KAZN: variants seen among roughly 807,000 people sequenced by gnomAD.
The protein encoded by KAZN is kazrin.
Under a neutral mutation model 87.4 loss-of-function variants are expected in KAZN, and 40 were observed. The observed-to-expected ratio is 0.46, with a 90% CI of 0.36 to 0.60. The LOEUF (loss-of-function observed/expected upper bound fraction) is 0.60, where lower values mean the gene tolerates loss of function less well. KAZN is among the 20% of genes least tolerant of loss of function. The probability of loss-of-function intolerance (pLI) is 0.00; values close to 1 mark genes in which losing one functional copy is unlikely to be tolerated. For missense variants in KAZN, 898 were observed against 1,073.9 expected, an observed-to-expected ratio of 0.84 and a Z score of 2.29; for synonymous variants, 466 against 458.3, an observed-to-expected ratio of 1.02 and a Z score of -0.22.
intron 2 of KAZN, among the ~76,000 whole-genome samples, chr1:14,488,606 G>A (rs571892314): frequency 2.0e-5 from 3 of 152,166 alleles, no homozygotes; most frequent in Non-Finnish European, 4.4e-5. Context: ...TTAGCAGAGC[G>A]CCTGCCCTCC....
At position 14,782,554 on chromosome 1, in the gene KAZN, C is replaced by CAAAAAAAAAAAAA. The variant is rs71572122; in HGVS notation, c.227-178118_227-178106dup. On this transcript the variant is annotated intron_variant, in intron 1 of 14. Transcript: ENST00000376030. ...CAGGGCAAGACTCCACCTCAAAGAG[C>CAAAAAAAAAAAAA]AAAAAAAAAAAAAAAAAAAAAAAAG... is the stretch of plus-strand genomic sequence containing the variant. Among the ~76,000 whole-genome samples, 21 of 66,258 alleles carry CAAAAAAAAAAAAA rather than the reference C, an allele frequency of 3.2e-4. 1 individual carries two copies. The highest frequency in any genetic ancestry group is 6.4e-4 in the Admixed American group (3 of 4,688). The allele number at this position is 66,258 out of a possible 152,430, so 43.5% of individuals were successfully genotyped here. A position where few individuals can be genotyped will look rare whatever the true frequency, so the allele number is the denominator to read the frequency against.
chr1:13,939,690 A>G (rs1024881199), intron 1 of KAZN, among the ~76,000 whole-genome samples: 16 of 152,200 alleles, frequency 1.1e-4, no homozygotes, highest in Non-Finnish European at 2.9e-5. Flanking sequence ...TTATGAACAA[A>G]TACCTGAGAC....
intron 2 of KAZN, among the ~76,000 whole-genome samples, chr1:14,393,357 A>T (rs923313138): frequency 6.6e-6 from 1 of 152,230 alleles, no homozygotes; most frequent in African/African-American, 2.4e-5. Context: ...TATTATCATC[A>T]TGATTATCAG....
intron 2 of KAZN, among the ~76,000 whole-genome samples, chr1:14,475,524 C>G (rs1336084143): frequency 2.0e-5 from 3 of 152,194 alleles, no homozygotes; most frequent in Non-Finnish European, 1.5e-5. Context: ...CTAGTTTACA[C>G]TGCTCAGACT....
chr1:14,014,723 G>A (rs1232519864), intron 1 of KAZN, among the ~76,000 whole-genome samples: 9 of 152,222 alleles, frequency 5.9e-5, no homozygotes, highest in Non-Finnish European at 1.3e-4. Flanking sequence ...GCAAGATGCA[G>A]TGTCTAACAG....
chr1:14,103,675 C>T (rs1241783283), intron 1 of KAZN, among the ~76,000 whole-genome samples: 1 of 152,158 alleles, frequency 6.6e-6, no homozygotes, highest in African/African-American at 2.4e-5. Context: ...CCCTGATTCT[C>T]CTGTCTCCCT....
chr1:14,962,193 A>AT (rs1663956743), intron 2 of KAZN, among the ~76,000 whole-genome samples: 1 of 152,220 alleles, frequency 6.6e-6, no homozygotes, highest in Non-Finnish European at 1.5e-5. Context: ...CCAGCTGACT[A>AT]TCCCCCAGAA....
chr1:14,738,005 G>A lies in KAZN; in HGVS notation c.226+138782G>A, dbSNP rs537018696. Among the ~76,000 whole-genome samples, 254 of 152,288 alleles carry A rather than the reference G, an allele frequency of 1.7e-3. 1 individual carries two copies. Among genetic ancestry groups the A allele is most frequent in the African/African-American group, 5.9e-3 (245 of 41,552 alleles). The stretch of plus-strand genomic sequence containing the variant: ...CCCATCACATTCACAGGTTCTGCAT[G>A]CACTCAAAGTGGGTACACCAGGAGA... On this transcript the variant is annotated intron_variant, in intron 1 of 14. Coordinates refer to ENST00000376030, the MANE Select transcript of KAZN (RefSeq NM_201628.3).
At chr1:15,050,300 G>A (rs553470558) in intron 4 of KAZN, among the ~76,000 whole-genome samples, 8 of 152,296 alleles carry the variant, frequency 5.3e-5, no homozygotes, top group Admixed American at 3.3e-4. Context: ...CTCGGTCAGC[G>A]TTCACAGCTC....
intron 1 of KAZN, among the ~76,000 whole-genome samples, chr1:14,072,104 C>A (rs547599795): frequency 6.6e-6 from 1 of 152,120 alleles, no homozygotes. Context: ...GCCTCTGTAT[C>A]CTCACCTGTG....
chr1:14,872,473 T>C (rs1245963057), intron 1 of KAZN, among the ~76,000 whole-genome samples: 7 of 152,246 alleles, frequency 4.6e-5, no homozygotes, highest in African/African-American at 1.4e-4. Flanking sequence ...GATTATTCAA[T>C]TGGATCATTA....
In KAZN at chr1:14,147,649, A is replaced by G. The variant is rs1645381145; in HGVS notation, c.92-32786A>G. Among the ~76,000 whole-genome samples the G allele has an allele frequency of 1.3e-5, 2 of 152,068 alleles. 1 individual carries two copies. The highest frequency in any genetic ancestry group is 4.8e-5 in the African/African-American group (2 of 41,402). On this transcript the variant is annotated intron_variant, in intron 1 of 16. Coordinates refer to the KAZN transcript ENST00000636203. The stretch of plus-strand genomic sequence containing the variant: ...TCTACTAAAAAAATATATAAAAATT[A>G]GCTGGGCATGGCGGCACGCACCTGT...
intron 1 of KAZN, among the ~76,000 whole-genome samples, chr1:14,633,409 A>G (rs971344496): frequency 6.6e-6 from 1 of 152,164 alleles, no homozygotes. Context: ...AGCAGAGGTT[A>G]GAGAGATGCC....
chr1:15,083,243 T>G (rs755581703), intron 8 of KAZN, among the ~76,000 whole-genome samples: 19 of 152,170 alleles, frequency 1.2e-4, no homozygotes, highest in Non-Finnish European at 2.6e-4. Flanking sequence ...CCCCTTTTAG[T>G]TGCAAATGTC....
upstream of KAZN, chr1:14,598,589 G>A: frequency 1.1e-6 from 1 of 937,798 alleles, no homozygotes; most frequent in Non-Finnish European, 1.3e-6. This position sits in a 1 kb window ranked among gnomAD's most constrained non-coding sequence, Gnocchi z 4.2. Flanking sequence ...GGGCGCGGGA[G>A]GCCAAGGGTG....
chr1:14,977,545 C>T (rs866268700), intron 2 of KAZN, among the ~76,000 whole-genome samples: 2 of 152,260 alleles, frequency 1.3e-5, no homozygotes, highest in South Asian at 2.1e-4. Context: ...CAGTGAGTGT[C>T]GCGCTCTGCT....
intron 1 of KAZN, among the ~76,000 whole-genome samples, chr1:14,876,768 T>C (rs956145437): frequency 1.3e-5 from 2 of 152,216 alleles, no homozygotes; most frequent in African/African-American, 4.8e-5. Context: ...ACAGAGCTAA[T>C]AAATGTTAGC....
chr1:14,014,066 C>A (rs562685839), intron 1 of KAZN, among the ~76,000 whole-genome samples: 1 of 152,194 alleles, frequency 6.6e-6, no homozygotes, highest in Non-Finnish European at 1.5e-5. Flanking sequence ...CGTTTCATAC[C>A]GGCTTTTTGT....
chr1:14,413,326 C>T (rs1042362657), intron 2 of KAZN, among the ~76,000 whole-genome samples: 4 of 151,960 alleles, frequency 2.6e-5, no homozygotes, highest in African/African-American at 4.8e-5. Context: ...CACTGTGGCT[C>T]ACGCCTGTAA....
Sources: allele counts gnomAD v4.1 joint callset (sites outside exome capture counted in the v4.1 genomes callset), GRCh38; gene constraint gnomAD v4.1.1; non-coding constraint Gnocchi (gnomAD v3.1); transcripts MANE v1.5; gene names NCBI Gene and HGNC (gene_info 2026-07-23, HGNC 2026-07-21).